Variants in RASA3 observed in about 807,000 individuals in gnomAD.
RASA3 encodes the protein ras GTPase-activating protein 3.
RASA3 carries 73 observed loss-of-function variants against 110.0 expected under a neutral mutation model. That is an observed-to-expected ratio of 0.66 (90% CI 0.55 to 0.81). RASA3 has a LOEUF of 0.81. Among genes scored for constraint, RASA3 ranks in the 30% least tolerant of loss-of-function variants. RASA3 has a pLI of 0.00. For missense variants in RASA3, 976 were observed against 1,113.2 expected (o/e 0.88, Z 1.75); for synonymous variants, 500 against 451.4 (o/e 1.11, Z -1.37).
chr13:114,097,772 G>A (rs1244417278), intron 1 of RASA3, among the ~76,000 whole-genome samples: 1 of 152,234 alleles, frequency 6.6e-6, no homozygotes, highest in African/African-American at 2.4e-5. Context: ...TAGGGCAAGA[G>A]GCGGGAGAGA....
chr13:114,117,666 G>A (rs1234774148), intron 1 of RASA3, among the ~76,000 whole-genome samples: 8 of 138,574 alleles, frequency 5.8e-5, no homozygotes, highest in African/African-American at 1.1e-4. Flanking sequence ...ACGTGTGTGA[G>A]GGATGCACGT....
intron 1 of RASA3, among the ~76,000 whole-genome samples, chr13:114,098,494 C>T (rs778703838): frequency 2.8e-4 from 42 of 152,142 alleles, no homozygotes; most frequent in Admixed American, 1.8e-3. Flanking sequence ...GAGGCAGAGA[C>T]GTGAACAGGC....
chr13:114,005,292 A>C (rs1376908305), intron 18 of RASA3, among the ~76,000 whole-genome samples: 1 of 152,212 alleles, frequency 6.6e-6, no homozygotes, highest in African/African-American at 2.4e-5. Context: ...GGCAGAGCAA[A>C]GCCCCGAGCG....
chr13:114,118,961 G>T (rs138155087), intron 1 of RASA3, among the ~76,000 whole-genome samples: 1 of 152,222 alleles, frequency 6.6e-6, no homozygotes, highest in Non-Finnish European at 1.5e-5. Flanking sequence ...GAACTAAATG[G>T]TCACCCATGA....
At chr13:114,021,615 G>A (rs9525206) in intron 8 of RASA3, 107 bp from the exon 9 acceptor site, 132,272 of 819,436 alleles carry the variant, frequency 0.16, 12,186 homozygotes, top group Middle Eastern at 0.21. Flanking sequence ...AGCCTGCAGC[G>A]CCTCCCAGAG....
rs1256016895 is a variant in RASA3 at position 113,979,136 on chromosome 13, C to T, written c.*211G>A. 4 of 581,166 alleles carry T rather than the reference C, an allele frequency of 6.9e-6. No homozygotes were observed. Among genetic ancestry groups the T allele is most frequent in the Admixed American group, 3.0e-5 (1 of 33,074 alleles). The allele number at this position is 581,166 out of a possible 1,614,324, so 36.0% of individuals were successfully genotyped here. On this transcript the variant is annotated 3_prime_UTR_variant, in exon 24 of 24. Transcript: ENST00000334062. Reference sequence around the variant, plus strand: ...AAAAGCACAGAATCAAATGACGACACGTTCCACAGGGCCAGGTGGGCTTTC... The same window carrying T: ...AAAAGCACAGAATCAAATGACGACATGTTCCACAGGGCCAGGTGGGCTTTC...
rs1443307285 is a variant in RASA3, at chr13:114,056,067, C to T, written c.174-3912G>A. ...AACCCAGGCCTCGGGGTTCACCTGG[C>T]GCGTCACCGTTTCCCGAGAGCCCCC... is the stretch of plus-strand genomic sequence containing the variant. On this transcript the variant is annotated intron_variant, in intron 2 of 23. Transcript: ENST00000334062. The surrounding 1 kb of genome is among the most constrained non-coding windows in gnomAD (Gnocchi z 5.7). Among the ~76,000 whole-genome samples, 1 of 152,168 alleles carries T rather than the reference C, an allele frequency of 6.6e-6. No homozygotes were observed. Among genetic ancestry groups the T allele is most frequent in the East Asian group, 1.9e-4 (1 of 5,182 alleles).
intron 3 of RASA3, among the ~76,000 whole-genome samples, chr13:114,043,262 G>A (rs1349096021): frequency 1.3e-5 from 2 of 152,174 alleles, no homozygotes; most frequent in African/African-American, 4.8e-5. Flanking sequence ...GTGGAAAGAG[G>A]CACAAAGACG....
rs114244842 is a variant in RASA3, at chr13:114,037,539, G to A, written c.372+3461C>T. Among the ~76,000 whole-genome samples the A allele has an allele frequency of 5.7e-3, 873 of 152,262 alleles. 1 individual carries two copies. Among genetic ancestry groups the A allele is most frequent in the African/African-American group, 0.017 (696 of 41,540 alleles). On this transcript the variant is annotated intron_variant, in intron 4 of 23. Transcript: ENST00000334062. Reference sequence around the variant, plus strand: ...AATAAAACTCTAGCCAGGGGACAGAGGGGACGGAGGTTCCGTTTTGCAAGA... The same window carrying A: ...AATAAAACTCTAGCCAGGGGACAGAAGGGACGGAGGTTCCGTTTTGCAAGA...
chr13:114,013,576 GTC>G lies in RASA3; in HGVS notation c.1406-330_1406-329del, dbSNP rs539041789. Among the ~76,000 whole-genome samples, 275 of 63,524 alleles carry G rather than the reference GTC, an allele frequency of 4.3e-3. 18 individuals carry two copies. The South Asian group carries it at 0.07, about 16-fold the overall frequency. 41.7% of individuals were successfully genotyped at this position (63,524 alleles called of 152,430 possible). On this transcript the variant is annotated intron_variant, in intron 14 of 23. Transcript: ENST00000334062. ...TCCCTCTGTCTCTCTCCCTATCTCT[GTC>G]TCTCTCTCTCTCTCTCCGTCTCTGG... is the stretch of plus-strand genomic sequence containing the variant.
Position 114,029,622 on chromosome 13 carries a change from G to A in RASA3, c.449+189C>T, listed in dbSNP as rs1190205044. On this transcript the variant is annotated intron_variant, in intron 5 of 23. Transcript: ENST00000334062. ...TGGGGGCCAGGACCTCTAAAATGGCGTCATCCTGGTGGGCCAGGACCCCTA... is the reference window on the plus strand; with the variant it reads ...TGGGGGCCAGGACCTCTAAAATGGCATCATCCTGGTGGGCCAGGACCCCTA... Among the ~76,000 whole-genome samples the A allele has an allele frequency of 9.8e-4, 51 of 52,292 alleles. 19 individuals carry two copies. The highest frequency in any genetic ancestry group is 2.5e-3 in the African/African-American group (16 of 6,456). 34.3% of individuals were successfully genotyped at this position (52,292 alleles called of 152,430 possible).
chr13:114,047,442 C>T lies in RASA3; in HGVS notation c.277+4610G>A, dbSNP rs115168303. On this transcript the variant is annotated intron_variant, in intron 3 of 23. Coordinates refer to ENST00000334062, the MANE Select transcript of RASA3 (RefSeq NM_007368.4). ...ATGCGAAATACCTGCTGCTCTCACC[C>T]GCTGCTGGAGAGAAGGCAGACTGGG... Among the ~76,000 whole-genome samples the T allele has an allele frequency of 6.1e-3, 932 of 152,282 alleles. 5 individuals carry two copies. The highest frequency in any genetic ancestry group is 0.018 in the African/African-American group (746 of 41,558).
intron 8 of RASA3, among the ~76,000 whole-genome samples, chr13:114,023,768 G>A (rs1457802476): frequency 6.6e-6 from 1 of 152,236 alleles, no homozygotes; most frequent in African/African-American, 2.4e-5. Flanking sequence ...GGCTGAAGAT[G>A]CAGCTTCTAT....
chr13:113,995,797 G>T (rs186812668), intron 21 of RASA3, among the ~76,000 whole-genome samples: 2 of 25,584 alleles, frequency 7.8e-5, no homozygotes, highest in African/African-American at 8.5e-4. Context: ...CGGGGGGTCC[G>T]GCTGATGGGG....
chr13:114,073,955 GGTTT>G, intron 1 of RASA3, 118 bp from the exon 2 acceptor site: 1 of 921,146 alleles, frequency 1.1e-6, no homozygotes, highest in Non-Finnish European at 1.7e-6. Flanking sequence ...ATAAAGCCTT[GGTTT>G]TTTTGCCACC....
intron 2 of RASA3, among the ~76,000 whole-genome samples, chr13:114,061,263 C>T (rs1039639414): frequency 1.3e-4 from 20 of 152,124 alleles, no homozygotes; most frequent in East Asian, 9.7e-4. Flanking sequence ...TGGCCGGGGA[C>T]GCTGCCTTGA....
At chr13:114,053,415 G>A (rs563738077) in intron 2 of RASA3, among the ~76,000 whole-genome samples, 11 of 152,354 alleles carry the variant, frequency 7.2e-5, no homozygotes, top group South Asian at 6.2e-4. Flanking sequence ...CGATTACTGC[G>A]GTGCACGCAC....
In RASA3 at chr13:114,091,815, T is replaced by G. The variant is rs1170244572; in HGVS notation, c.56-17978A>C. 2.0e-5 allele frequency among the ~76,000 whole-genome samples: 3 copies of G among 152,078 alleles called. No homozygotes were observed. In the East Asian group the frequency reaches 5.8e-4, roughly 29 times the overall value. Reference sequence around the variant, plus strand: ...GTTCTTTAAATGTTTGAATGATCCATCAGGGCCTGGGCTTTTTCTTTGCTG... The same window carrying G: ...GTTCTTTAAATGTTTGAATGATCCAGCAGGGCCTGGGCTTTTTCTTTGCTG... On this transcript the variant is annotated intron_variant, in intron 1 of 23. Transcript: ENST00000334062.
chr13:114,132,133 C>A (rs1594491215), intron 1 of RASA3, among the ~76,000 whole-genome samples: 1 of 152,242 alleles, frequency 6.6e-6, no homozygotes, highest in Non-Finnish European at 1.5e-5. Flanking sequence ...CGCGGACAGA[C>A]GTCCCTCGGC....
Sources: gnomAD v4.1 joint callset for allele counts (sites outside exome capture counted in the v4.1 genomes callset) on GRCh38, gnomAD v4.1.1 for gene constraint, Gnocchi (gnomAD v3.1) non-coding constraint, MANE v1.5 for transcripts, NCBI Gene and HGNC (gene_info 2026-07-23, HGNC 2026-07-21) for gene names.